Variants in NSF observed in about 807,000 individuals in gnomAD.
NSF encodes the protein N-ethylmaleimide sensitive factor, vesicle fusing ATPase.
Under a neutral mutation model 50.3 loss-of-function variants are expected in NSF, and 14 were observed. The ratio of observed to expected loss-of-function variants is 0.28; its 90% CI spans 0.18 to 0.44. The LOEUF is 0.44. Among genes scored for constraint, NSF ranks in the 20% least tolerant of loss-of-function variants. NSF has a pLI of 1.00. For missense variants in NSF, 218 were observed against 504.3 expected (o/e 0.43, Z 5.44); for synonymous variants, 109 against 175.7 (o/e 0.62, Z 3.00).
At chr17:46,603,873 A>AT in intron 1 of NSF, among the ~76,000 whole-genome samples, 1 of 29,584 alleles carries the variant, frequency 3.4e-5, no homozygotes, top group Non-Finnish European at 5.9e-5. Flanking sequence ...AAATTTTTTT[A>AT]TTTTTTGTGC....
At chr17:46,713,572 C>T (rs954206515) in intron 14 of NSF, among the ~76,000 whole-genome samples, 1 of 152,016 alleles carries the variant, frequency 6.6e-6, no homozygotes, top group Non-Finnish European at 1.5e-5. Context: ...GAAGCAAAAC[C>T]CTTACACTCT....
chr17:46,753,392 T>C (rs2059202687), intron 19 of NSF, among the ~76,000 whole-genome samples: 1 of 152,252 alleles, frequency 6.6e-6, no homozygotes, highest in Non-Finnish European at 1.5e-5. Context: ...TTTTTGACTT[T>C]CAGAAATCTA....
At chr17:46,704,710 T>A in intron 12 of NSF, 49 bp from the exon 13 acceptor site, 2 of 1,585,748 alleles carry the variant, frequency 1.3e-6, no homozygotes, top group Non-Finnish European at 1.7e-6. Context: ...TATTCTTAAC[T>A]ATTCTTAAAT....
intron 13 of NSF, among the ~76,000 whole-genome samples, chr17:46,707,969 G>A (rs941017625): frequency 1.3e-5 from 2 of 151,090 alleles, no homozygotes; most frequent in African/African-American, 4.9e-5. Flanking sequence ...GGAGGTGGAG[G>A]TTGCAGTGAG....
At chr17:46,727,683 G>A (rs1244008798) in intron 16 of NSF, among the ~76,000 whole-genome samples, 1 of 152,084 alleles carries the variant, frequency 6.6e-6, no homozygotes, top group Non-Finnish European at 1.5e-5. Flanking sequence ...CCCAGTTTAT[G>A]GGATGATTTC....
intron 17 of NSF, among the ~76,000 whole-genome samples, chr17:46,741,529 T>C (rs1026716513): frequency 6.6e-6 from 1 of 152,146 alleles, no homozygotes; most frequent in Admixed American, 6.5e-5. Flanking sequence ...GCCTGCCTAG[T>C]TGTGGCATGA....
intron 15 of NSF, chr17:46,721,912 T>C (rs2058834721): frequency 6.3e-7 from 1 of 1,593,954 alleles, no homozygotes. Context: ...CACTGAACTT[T>C]TTCTCCAATT....
intron 12 of NSF, among the ~76,000 whole-genome samples, chr17:46,697,274 A>T (rs1184674634): frequency 7.9e-6 from 1 of 126,434 alleles, no homozygotes; most frequent in Non-Finnish European, 1.6e-5. Context: ...GCAGTGGCAC[A>T]GTCTTCGCTC....
chr17:46,722,143 C>T, intron 15 of NSF: 1 of 1,611,860 alleles, frequency 6.2e-7, no homozygotes, highest in South Asian at 1.1e-5. Flanking sequence ...TTGGGCTTCA[C>T]GATCTTGGCG....
At chr17:46,729,926 T>G (rs1161527340) in intron 17 of NSF, among the ~76,000 whole-genome samples, 2 of 152,132 alleles carry the variant, frequency 1.3e-5, no homozygotes, top group Non-Finnish European at 2.9e-5. Context: ...TTGCAACATA[T>G]GTGTACTGTG....
rs201988732 is a variant in NSF at position 46,737,572 on chromosome 17, C to T, written c.1908+8638C>T. Among the ~76,000 whole-genome samples, 18 of 147,264 alleles carry T rather than the reference C, an allele frequency of 1.2e-4. No individual in the cohort carries two copies. The Middle Eastern group carries it at 0.011, about 86-fold the overall frequency. On this transcript the variant is annotated intron_variant, in intron 17 of 20. Coordinates refer to ENST00000398238, the MANE Select transcript of NSF (RefSeq NM_006178.4). ...AATTTGTTCACCTAGGGTGTGTGTG[C>T]GTGTGTGTGTGTGTGTGTGTGTGTG...
intron 14 of NSF, among the ~76,000 whole-genome samples, chr17:46,712,087 G>A (rs1411280007): frequency 6.6e-6 from 1 of 152,090 alleles, no homozygotes; most frequent in Non-Finnish European, 1.5e-5. Flanking sequence ...GATTGGAGGG[G>A]CAAAAAGATA....
rs960956919 is a variant in NSF, at chr17:46,732,611, C to T, written c.1908+3677C>T. ...TAATTTCATGATTGATTTATTAGCC[C>T]TTTGAAAGTATAAAAAGTGGTATCT... is the stretch of plus-strand genomic sequence containing the variant. On this transcript the variant is annotated intron_variant, in intron 17 of 20. Transcript: ENST00000398238. Among the ~76,000 whole-genome samples the T allele has an allele frequency of 3.9e-5, 6 of 152,068 alleles. No homozygotes were observed. The East Asian group carries it at 1.2e-3, about 29-fold the overall frequency.
intron 17 of NSF, 85 bp from the exon 18 acceptor site, chr17:46,749,688 C>A (rs1418814665): frequency 3.4e-5 from 44 of 1,283,632 alleles, no homozygotes; most frequent in Non-Finnish European, 4.5e-5. Flanking sequence ...AAATAAAAGT[C>A]TTTTGCAAAT....
intron 15 of NSF, among the ~76,000 whole-genome samples, chr17:46,717,878 A>G (rs2058789597): frequency 6.6e-6 from 1 of 152,180 alleles, no homozygotes; most frequent in African/African-American, 2.4e-5. Flanking sequence ...ACCGAACTGG[A>G]GCAGCGTTCA....
At chr17:46,740,475 A>AG (rs1367546884) in intron 17 of NSF, among the ~76,000 whole-genome samples, 1 of 152,204 alleles carries the variant, frequency 6.6e-6, no homozygotes, top group Non-Finnish European at 1.5e-5. Flanking sequence ...GGGTCAATTT[A>AG]GGGTATATCA....
intron 18 of NSF, among the ~76,000 whole-genome samples, chr17:46,750,726 G>A: frequency 6.6e-6 from 1 of 152,252 alleles, no homozygotes; most frequent in African/African-American, 2.4e-5. Context: ...AAACTTGAAT[G>A]GGTGGTGGTG....
intron 15 of NSF, chr17:46,722,243 A>G: frequency 8.4e-7 from 1 of 1,195,992 alleles, no homozygotes; most frequent in Admixed American, 1.7e-5. Context: ...CAAAATCCCT[A>G]CATTCTTAAG....
At chr17:46,699,430 TTCTC>T (rs2058619044) in intron 12 of NSF, among the ~76,000 whole-genome samples, 2 of 152,086 alleles carry the variant, frequency 1.3e-5, no homozygotes, top group Non-Finnish European at 2.9e-5. Context: ...CACACACACT[TTCTC>T]TCACATACAC....
Sources: allele counts gnomAD v4.1 joint callset (sites outside exome capture counted in the v4.1 genomes callset), GRCh38; gene constraint gnomAD v4.1.1; transcripts MANE v1.5; gene names NCBI Gene and HGNC (gene_info 2026-07-23, HGNC 2026-07-21).